Variants in NCEH1 observed in about 807,000 individuals in gnomAD.
NCEH1 encodes the protein neutral cholesterol ester hydrolase 1.
In NCEH1, 9 loss-of-function variants were observed where a neutral mutation model predicts 25.4. The observed-to-expected ratio is 0.35, with a 90% CI of 0.21 to 0.62. The LOEUF is 0.62. Among genes scored for constraint, NCEH1 ranks in the 20% least tolerant of loss-of-function variants. The pLI is 0.72. For synonymous variants in NCEH1, 200 were observed against 199.8 expected (o/e 1.00, Z -0.01); for missense variants, 412 against 501.1 (o/e 0.82, Z 1.70).
intron 1 of NCEH1, among the ~76,000 whole-genome samples, chr3:172,673,918 T>C (rs1186773156): frequency 6.6e-6 from 1 of 152,176 alleles, no homozygotes; most frequent in Admixed American, 6.6e-5. Context: ...TGAAAGTCCT[T>C]AAAATCCTTC....
rs1337587456 is a variant in NCEH1, at chr3:172,647,960, G to C, written c.293C>G (p.Pro98Arg). 6.2e-7 allele frequency: 1 copy of C among 1,614,194 alleles called. No individual in the cohort carries two copies. Among genetic ancestry groups the C allele is most frequent in the Admixed American group, 1.7e-5 (1 of 60,022 alleles). Residue 98 changes from proline to arginine, a missense_variant, in exon 2 of 5, where the codon CCT becomes CGT. By Grantham distance (103) the Pro-to-Arg change is moderately radical. Around this residue, in one of 3 missense-constraint regions of NCEH1, gnomAD observed 178 missense variants for 189.2 expected, o/e 0.94. Transcript: ENST00000475381. ...TTTCAGTGGCTCTTCGGGCTTCGGAGGGCCTTCAAACACTCTGACTTCCAC... is the reference window on the plus strand; with the variant it reads ...TTTCAGTGGCTCTTCGGGCTTCGGACGGCCTTCAAACACTCTGACTTCCAC... ...DGVEVRVFEG[P>R]PKPEEPLKRS...
intron 3 of NCEH1, among the ~76,000 whole-genome samples, chr3:172,640,012 A>C (rs1716775078): frequency 6.6e-6 from 1 of 152,242 alleles, no homozygotes; most frequent in South Asian, 2.1e-4. Flanking sequence ...TATGCCCCCA[A>C]GCCCCGAATG....
At chr3:172,653,749 TTTGTTTTTTTG>T (rs1560186466) in intron 1 of NCEH1, among the ~76,000 whole-genome samples, 6 of 80,698 alleles carry the variant, frequency 7.4e-5, no homozygotes, top group African/African-American at 3.1e-4. Context: ...TTTTTGTTTT[TTTGTTTTTTTG>T]TTTTTTTTTT....
intron 1 of NCEH1, among the ~76,000 whole-genome samples, chr3:172,686,523 G>A (rs902265337): frequency 1.3e-5 from 2 of 152,218 alleles, no homozygotes; most frequent in African/African-American, 4.8e-5. Flanking sequence ...ACATAGGACT[G>A]TACTGATTTT....
intron 1 of NCEH1, among the ~76,000 whole-genome samples, chr3:172,688,250 A>T (rs1003453388): frequency 2.1e-4 from 31 of 149,770 alleles, no homozygotes; most frequent in Non-Finnish European, 3.4e-4. Flanking sequence ...GAATCGCTTG[A>T]ATCTGGGAGG....
chr3:172,647,960 G>A lies in NCEH1; in HGVS notation c.293C>T (p.Pro98Leu), dbSNP rs1337587456. 1 of 1,614,194 alleles carries A rather than the reference G, an allele frequency of 6.2e-7. No individual in the cohort carries two copies. Among genetic ancestry groups the A allele is most frequent in the South Asian group, 1.1e-5 (1 of 91,086 alleles). ...TTTCAGTGGCTCTTCGGGCTTCGGA[G>A]GGCCTTCAAACACTCTGACTTCCAC... ...DGVEVRVFEGPPKPEEPLKRS... is the reference protein window; with the variant it reads ...DGVEVRVFEGLPKPEEPLKRS... Residue 98 changes from proline to leucine, a missense_variant, in exon 2 of 5, where the codon CCT becomes CTT. Pro to Leu is a moderately conservative substitution (Grantham distance 98, BLOSUM62 -3). Coordinates refer to ENST00000475381, the MANE Select transcript of NCEH1 (RefSeq NM_020792.6).
chr3:172,664,130 A>G (rs535453072), intron 1 of NCEH1, among the ~76,000 whole-genome samples: 1 of 152,168 alleles, frequency 6.6e-6, no homozygotes, highest in Non-Finnish European at 1.5e-5. Context: ...TGCTTCCTTC[A>G]GGAGCTCTTG....
chr3:172,634,179 C>A, intron 4 of NCEH1, 87 bp from the exon 5 acceptor site: 2 of 1,266,492 alleles, frequency 1.6e-6, no homozygotes, highest in East Asian at 2.3e-5. Flanking sequence ...TCATGTGTTA[C>A]TCTGAATCTG....
intron 1 of NCEH1, among the ~76,000 whole-genome samples, chr3:172,710,308 C>G (rs900835085): frequency 6.6e-6 from 1 of 152,216 alleles, no homozygotes; most frequent in South Asian, 2.1e-4. Context: ...TATGGTTCCT[C>G]AAGTGCTTGG....
In NCEH1 at chr3:172,641,621, C is replaced by T. The variant is rs116636537; in HGVS notation, c.437+4002G>A. 3.8e-3 allele frequency among the ~76,000 whole-genome samples: 575 copies of T among 152,324 alleles called. 3 individuals are homozygous for T. The highest frequency in any genetic ancestry group is 0.014 in the African/African-American group (565 of 41,568). Reference sequence around the variant, plus strand: ...TCCAGACAGCCTGTCTTCTAGAAGGCGGAGCTCCAGAAGAACCAAGCGTCC... The same window carrying T: ...TCCAGACAGCCTGTCTTCTAGAAGGTGGAGCTCCAGAAGAACCAAGCGTCC... On this transcript the variant is annotated intron_variant, in intron 3 of 4. Transcript: ENST00000475381.
chr3:172,641,551 C>G (rs1488453800), intron 3 of NCEH1, among the ~76,000 whole-genome samples: 1 of 152,202 alleles, frequency 6.6e-6, no homozygotes, highest in African/African-American at 2.4e-5. Flanking sequence ...AAAGCCATGA[C>G]GCCACTACCC....
chr3:172,667,991 C>T (rs528964644), intron 1 of NCEH1, among the ~76,000 whole-genome samples: 10 of 152,254 alleles, frequency 6.6e-5, no homozygotes, highest in South Asian at 4.1e-4. Flanking sequence ...TTCAAGTTCC[C>T]GTCTCATAAC....
intron 3 of NCEH1, among the ~76,000 whole-genome samples, chr3:172,638,701 C>T (rs1716713584): frequency 6.6e-6 from 1 of 152,140 alleles, no homozygotes; most frequent in Non-Finnish European, 1.5e-5. Flanking sequence ...TTCCTGGTTG[C>T]CCAGATGGTC....
intron 1 of NCEH1, among the ~76,000 whole-genome samples, chr3:172,663,485 T>G (rs980217893): frequency 6.6e-6 from 1 of 152,184 alleles, no homozygotes; most frequent in Non-Finnish European, 1.5e-5. Context: ...GTCTGCTTGG[T>G]GTAGAGCTGA....
intron 1 of NCEH1, among the ~76,000 whole-genome samples, chr3:172,703,726 A>G (rs1713829608): frequency 6.6e-6 from 1 of 152,146 alleles, no homozygotes; most frequent in Admixed American, 6.6e-5. Flanking sequence ...GCTCAGGGTT[A>G]TATTTGTAGA....
At chr3:172,675,331 A>AAATAAATTAATTAATTAATT (rs1553835616) in intron 1 of NCEH1, among the ~76,000 whole-genome samples, 25 of 150,372 alleles carry the variant, frequency 1.7e-4, no homozygotes, top group African/African-American at 6.0e-4. Flanking sequence ...ATAAATAAAT[A>AAATAAATTAATTAATTAATT]AATAAATAAA....
chr3:172,647,769 C>G, intron 2 of NCEH1, 117 bp downstream of exon 2: 2 of 1,404,098 alleles, frequency 1.4e-6, no homozygotes, highest in Non-Finnish European at 1.9e-6. Context: ...CTGGGACCAT[C>G]CAGGGGAACC....
At chr3:172,692,524 A>ATTTTT (rs34654558) in intron 1 of NCEH1, among the ~76,000 whole-genome samples, 1 of 148,302 alleles carries the variant, frequency 6.7e-6, no homozygotes, top group African/African-American at 2.5e-5. Context: ...CACCTGGCTA[A>ATTTTT]TTTTTTTTTT....
chr3:172,706,907 GT>G (rs894801316), intron 1 of NCEH1, among the ~76,000 whole-genome samples: 1 of 151,680 alleles, frequency 6.6e-6, no homozygotes, highest in Non-Finnish European at 1.5e-5. Context: ...ACAAGTTTTT[GT>G]TTTTTTTCTT....
Sources: gnomAD v4.1 joint callset for allele counts (sites outside exome capture counted in the v4.1 genomes callset) on GRCh38, gnomAD v4.1.1 for gene constraint, gnomAD v4.1.1 regional missense constraint, MANE v1.5 for transcripts, NCBI Gene and HGNC (gene_info 2026-07-23, HGNC 2026-07-21) for gene names.